Variants in KTN1 observed in about 807,000 individuals in gnomAD.
KTN1 encodes the protein kinectin.
KTN1 carries 130 observed loss-of-function variants against 222.5 expected under a neutral mutation model. The ratio of observed to expected loss-of-function variants is 0.58; its 90% CI spans 0.51 to 0.68. The LOEUF is 0.68. KTN1 is among the 30% of genes least tolerant of loss of function. The probability of loss-of-function intolerance (pLI) is 0.00; values close to 1 mark genes in which losing one functional copy is unlikely to be tolerated. For synonymous variants in KTN1, 512 were observed against 496.3 expected (o/e 1.03, Z -0.42); for missense variants, 1,508 against 1,500.4 (o/e 1.01, Z -0.08).
At chr14:55,631,248 G>A (rs1190211429) in intron 7 of KTN1, among the ~76,000 whole-genome samples, 1 of 149,566 alleles carries the variant, frequency 6.7e-6, no homozygotes, top group East Asian at 2.0e-4. Context: ...TTTTGAAATT[G>A]TTACTTCCAT....
chr14:55,608,905 C>T (rs2037146118), intron 1 of KTN1, among the ~76,000 whole-genome samples: 1 of 152,130 alleles, frequency 6.6e-6, no homozygotes, highest in Admixed American at 6.6e-5. Flanking sequence ...GCTGGGATTA[C>T]AGGCATGAGC....
At chr14:55,651,618 C>T (rs1230687137) in intron 24 of KTN1, 1 of 425,404 alleles carries the variant, frequency 2.4e-6, no homozygotes, top group South Asian at 2.7e-5. Flanking sequence ...CCCACTGCTT[C>T]ACTTGACTAG....
intron 12 of KTN1, 31 bp from the exon 13 acceptor site, chr14:55,639,154 C>T (rs1243390263): frequency 1.3e-6 from 2 of 1,501,670 alleles, no homozygotes; most frequent in Non-Finnish European, 1.9e-6. Flanking sequence ...CTCTTAAATA[C>T]TTTTATGTTG....
chr14:55,679,430 T>C (rs1017864977), intron 42 of KTN1, 135 bp from the exon 43 acceptor site: 8 of 714,102 alleles, frequency 1.1e-5, no homozygotes, highest in African/African-American at 3.6e-5. Flanking sequence ...GTTTTTGTTA[T>C]TGTTGATTTT....
intron 18 of KTN1, among the ~76,000 whole-genome samples, chr14:55,643,963 T>C (rs2042045432): frequency 6.6e-6 from 1 of 152,212 alleles, no homozygotes; most frequent in Admixed American, 6.5e-5. Context: ...CATTTTTTGA[T>C]TTATTTAAAA....
chr14:55,655,362 T>C (rs992159034), intron 28 of KTN1, among the ~76,000 whole-genome samples: 18 of 152,216 alleles, frequency 1.2e-4, no homozygotes, highest in Non-Finnish European at 2.2e-4. Context: ...GTATGCTGTT[T>C]TGTCATTTTT....
At chr14:55,597,172 T>C (rs1383656619) in intron 1 of KTN1, among the ~76,000 whole-genome samples, 2 of 152,194 alleles carry the variant, frequency 1.3e-5, no homozygotes, top group African/African-American at 2.4e-5. Context: ...TGTGTTGGGC[T>C]CCCAGATAGA....
Position 55,656,012 on chromosome 14 carries a change from G to A in KTN1, c.2802-30G>A, listed in dbSNP as rs1052598141. On this transcript the variant is annotated intron_variant, in intron 28 of 43. Coordinates refer to ENST00000395314, the MANE Select transcript of KTN1 (RefSeq NM_001079521.2). ...TGGTTTTCCTTTTTTATGTACTTTAGTTAATGCAGATCTTTGTAAAAAATT... is the reference window on the plus strand; with the variant it reads ...TGGTTTTCCTTTTTTATGTACTTTAATTAATGCAGATCTTTGTAAAAAATT... 11 of 1,353,060 alleles carry A rather than the reference G, an allele frequency of 8.1e-6. 1 individual carries two copies. In the South Asian group the frequency reaches 8.9e-5, roughly 11 times the overall value. 83.8% of individuals were successfully genotyped at this position (1,353,060 alleles called of 1,614,324 possible). A position where few individuals can be genotyped will look rare whatever the true frequency, so the allele number is the denominator to read the frequency against.
At chr14:55,581,846 C>T (rs183695149) in intron 1 of KTN1, among the ~76,000 whole-genome samples, 32 of 151,974 alleles carry the variant, frequency 2.1e-4, no homozygotes, top group African/African-American at 7.0e-4. Context: ...GTAGACATGC[C>T]TTGCAGTAGA....
intron 1 of KTN1, 85 bp downstream of exon 1, chr14:55,580,439 A>T (rs964285800): frequency 6.9e-6 from 1 of 145,092 alleles, no homozygotes; most frequent in African/African-American, 2.5e-5. Flanking sequence ...GTCCTGGGGC[A>T]GGCGGGAGGG....
chr14:55,667,147 CG>C, intron 33 of KTN1, 93 bp from the exon 34 acceptor site: 1 of 774,484 alleles, frequency 1.3e-6, no homozygotes, highest in Non-Finnish European at 2.1e-6. Context: ...TTTTTCTTCC[CG>C]TAGAATTATA....
intron 34 of KTN1, among the ~76,000 whole-genome samples, chr14:55,670,269 TCTTTATGAACTCAAAATACTTCACTTTCA>T (rs1321725802): frequency 2.0e-5 from 3 of 152,104 alleles, no homozygotes; most frequent in Admixed American, 6.5e-5. Flanking sequence ...AAATGGAACA[TCTTTATGAACTCAAAATACTTCACTTTCA>T]CTTTATGAAC....
intron 43 of KTN1, chr14:55,683,779 C>A (rs774437958): frequency 4.2e-5 from 11 of 261,306 alleles, no homozygotes; most frequent in African/African-American, 2.2e-4. Context: ...TATTCAACCC[C>A]TTTTCAGTGC....
At chr14:55,627,689 C>T (rs1168890460) in intron 5 of KTN1, among the ~76,000 whole-genome samples, 3 of 152,246 alleles carry the variant, frequency 2.0e-5, no homozygotes, top group African/African-American at 7.2e-5. Flanking sequence ...TGTTCAACTC[C>T]CACTTATGAG....
chr14:55,591,162 GT>G (rs137981443), intron 1 of KTN1, among the ~76,000 whole-genome samples: 2 of 151,484 alleles, frequency 1.3e-5, no homozygotes, highest in Non-Finnish European at 2.9e-5. Context: ...CTAGGATAGT[GT>G]TTTTTTTCAA....
intron 5 of KTN1, 105 bp from the exon 6 acceptor site, chr14:55,627,807 T>C: frequency 8.8e-6 from 6 of 678,788 alleles, no homozygotes; most frequent in Middle Eastern, 2.7e-4. Flanking sequence ...TTCTTTTTTA[T>C]GGCTGCATAG....
intron 1 of KTN1, among the ~76,000 whole-genome samples, chr14:55,584,054 C>T (rs997480884): frequency 6.6e-6 from 1 of 152,194 alleles, no homozygotes; most frequent in Admixed American, 6.5e-5. Flanking sequence ...CTCCCTGCCT[C>T]TGCCCTAACT....
chr14:55,638,590 T>G (rs917805840), intron 12 of KTN1, among the ~76,000 whole-genome samples: 1 of 151,852 alleles, frequency 6.6e-6, no homozygotes, highest in Non-Finnish European at 1.5e-5. Flanking sequence ...CCCAGTTGCT[T>G]TATCTGTAGA....
chr14:55,611,926 A>G (rs1314323771), intron 1 of KTN1, 93 bp from the exon 2 acceptor site: 1 of 514,186 alleles, frequency 1.9e-6, no homozygotes. Context: ...TAGATTTGAA[A>G]TGCCACTTGA....
Sources: allele counts gnomAD v4.1 joint callset (sites outside exome capture counted in the v4.1 genomes callset), GRCh38; gene constraint gnomAD v4.1.1; transcripts MANE v1.5; gene names NCBI Gene and HGNC (gene_info 2026-07-23, HGNC 2026-07-21).